COMMD10: variants seen among roughly 807,000 people sequenced by gnomAD.
The protein encoded by COMMD10 is COMM domain-containing protein 10.
COMMD10 carries 33 observed loss-of-function variants against 28.9 expected under a neutral mutation model. That is an observed-to-expected ratio of 1.14 (90% CI 0.87 to 1.53). The LOEUF is 1.53. COMMD10 is among the 40% of genes most tolerant of loss of function. The pLI is 0.00. For synonymous variants in COMMD10, 110 were observed against 81.7 expected (o/e 1.35, Z -1.87); for missense variants, 310 against 233.4 (o/e 1.33, Z -2.14).
chr5:116,100,023 C>A (rs1315937121), intron 4 of COMMD10, among the ~76,000 whole-genome samples: 1 of 152,112 alleles, frequency 6.6e-6, no homozygotes, highest in Non-Finnish European at 1.5e-5. Flanking sequence ...GTTTCAAATA[C>A]ACCTTATATA....
chr5:116,255,846 C>T (rs1750269265), intron 5 of COMMD10: 1 of 151,100 alleles, frequency 6.6e-6, no homozygotes, highest in South Asian at 2.1e-4. Context: ...TTTATTAAAA[C>T]ATTAAGAAAT....
At chr5:116,197,876 C>G (rs752532818) in intron 5 of COMMD10, among the ~76,000 whole-genome samples, 1 of 152,104 alleles carries the variant, frequency 6.6e-6, no homozygotes, top group African/African-American at 2.4e-5. Flanking sequence ...TATATTGAGT[C>G]AGTAGGAGAA....
intron 5 of COMMD10, among the ~76,000 whole-genome samples, chr5:116,207,395 C>A (rs1188694138): frequency 6.6e-6 from 1 of 152,134 alleles, no homozygotes; most frequent in Non-Finnish European, 1.5e-5. Context: ...AGATCTGTTA[C>A]TTTCTGGATT....
chr5:116,153,930 G>A (rs1415919823), intron 5 of COMMD10, among the ~76,000 whole-genome samples: 2 of 152,046 alleles, frequency 1.3e-5, no homozygotes, highest in Non-Finnish European at 2.9e-5. Context: ...GGGTGATGGA[G>A]CACTTAGAAT....
chr5:116,287,234 C>A (rs1290679600), intron 5 of COMMD10, among the ~76,000 whole-genome samples: 1 of 151,608 alleles, frequency 6.6e-6, no homozygotes, highest in Non-Finnish European at 1.5e-5. Context: ...TGAGAACTTA[C>A]TGTATTTATG....
intron 5 of COMMD10, among the ~76,000 whole-genome samples, chr5:116,186,696 G>A (rs947751716): frequency 6.6e-6 from 1 of 152,134 alleles, no homozygotes; most frequent in Non-Finnish European, 1.5e-5. Context: ...TATAGGACTG[G>A]AGAGGGGAGC....
chr5:116,170,783 G>A (rs1167473915), intron 5 of COMMD10, among the ~76,000 whole-genome samples: 2 of 152,036 alleles, frequency 1.3e-5, no homozygotes, highest in Admixed American at 6.6e-5. Flanking sequence ...GGCTAGCCAT[G>A]TGCAGAAAAC....
At chr5:116,186,280 C>G (rs1391732383) in intron 5 of COMMD10, among the ~76,000 whole-genome samples, 1 of 152,094 alleles carries the variant, frequency 6.6e-6, no homozygotes, top group African/African-American at 2.4e-5. Context: ...CTCCCATAAC[C>G]CCAAACTGCT....
intron 5 of COMMD10, among the ~76,000 whole-genome samples, chr5:116,208,409 A>G (rs561591300): frequency 2.0e-5 from 3 of 152,196 alleles, no homozygotes; most frequent in South Asian, 4.1e-4. Flanking sequence ...AGCCATTCCT[A>G]TACATGAAGC....
intron 5 of COMMD10, among the ~76,000 whole-genome samples, chr5:116,242,450 C>T (rs540070306): frequency 6.6e-6 from 1 of 152,150 alleles, no homozygotes; most frequent in Non-Finnish European, 1.5e-5. Context: ...TTAGGAAATC[C>T]TCTCAGCAAC....
intron 4 of COMMD10, among the ~76,000 whole-genome samples, chr5:116,098,734 CAA>C (rs1318415486): frequency 6.6e-6 from 1 of 152,058 alleles, no homozygotes; most frequent in African/African-American, 2.4e-5. Context: ...ATTCTGAATT[CAA>C]AGAGGGTAAG....
intron 5 of COMMD10, among the ~76,000 whole-genome samples, chr5:116,186,168 A>G (rs1048299045): frequency 2.6e-5 from 4 of 152,146 alleles, no homozygotes; most frequent in African/African-American, 9.7e-5. Context: ...AAATTAATCA[A>G]CTTATTGGTT....
intron 2 of COMMD10, among the ~76,000 whole-genome samples, chr5:116,090,331 G>C (rs1304083359): frequency 6.6e-6 from 1 of 152,172 alleles, no homozygotes; most frequent in Non-Finnish European, 1.5e-5. Context: ...ATATTTTACA[G>C]TGTTTAGGGC....
intron 5 of COMMD10, among the ~76,000 whole-genome samples, chr5:116,158,873 G>T (rs1221867011): frequency 6.7e-6 from 1 of 149,890 alleles, no homozygotes. Flanking sequence ...CCCCCCCTGA[G>T]GTCAGACTAA....
chr5:116,128,970 C>A (rs1353439525), intron 4 of COMMD10, among the ~76,000 whole-genome samples: 1 of 151,598 alleles, frequency 6.6e-6, no homozygotes, highest in African/African-American at 2.4e-5. Context: ...AATTTTGATC[C>A]CTTGGGTAAG....
intron 4 of COMMD10, among the ~76,000 whole-genome samples, chr5:116,107,216 G>A (rs1464236816): frequency 6.6e-6 from 1 of 152,062 alleles, no homozygotes; most frequent in Non-Finnish European, 1.5e-5. Flanking sequence ...GAATTTGAAT[G>A]TTGGCCTGCC....
At chr5:116,264,164 AG>A (rs1750522073) in intron 5 of COMMD10, among the ~76,000 whole-genome samples, 1 of 151,684 alleles carries the variant, frequency 6.6e-6, no homozygotes, top group African/African-American at 2.4e-5. Context: ...GCTGTATAGG[AG>A]CCATCTGGCT....
chr5:116,196,002 C>T (rs962415040), intron 5 of COMMD10, among the ~76,000 whole-genome samples: 1 of 152,146 alleles, frequency 6.6e-6, no homozygotes, highest in African/African-American at 2.4e-5. Context: ...TAAACTAGTA[C>T]AGCCATTATG....
intron 4 of COMMD10, among the ~76,000 whole-genome samples, chr5:116,098,508 G>T (rs1271873244): frequency 1.3e-5 from 2 of 152,192 alleles, no homozygotes; most frequent in African/African-American, 4.8e-5. Flanking sequence ...AATTTGCCAT[G>T]TGCTGAGTAC....
Sources: allele counts gnomAD v4.1 joint callset (sites outside exome capture counted in the v4.1 genomes callset), GRCh38; gene constraint gnomAD v4.1.1; transcripts MANE v1.5; gene names NCBI Gene and HGNC (gene_info 2026-07-23, HGNC 2026-07-21).